Variants in AP2M1 observed in about 807,000 individuals in gnomAD.
The protein encoded by AP2M1 is adaptor related protein complex 2 subunit mu 1, also known as AP-2 complex subunit mu.
Under a neutral mutation model 54.5 loss-of-function variants are expected in AP2M1, and 5 were observed. The observed-to-expected ratio is 0.09, with a 90% CI of 0.05 to 0.19. The LOEUF is 0.19. AP2M1 is among the 10% of genes least tolerant of loss of function. The pLI, the probability that AP2M1 is intolerant of heterozygous loss-of-function variation, is 1.00. For synonymous variants in AP2M1, 186 were observed against 208.2 expected (o/e 0.89, Z 0.92); for missense variants, 178 against 580.2 (o/e 0.31, Z 7.12).
Position 184,183,445 on chromosome 3 carries a change from A to C in AP2M1, c.1174-37A>C. On this transcript the variant is annotated intron_variant, in intron 11 of 11. Transcript: ENST00000292807. This position sits in a 1 kb window ranked among gnomAD's most constrained non-coding sequence, Gnocchi z 5.7. ...CTTCCCAGAGGAGAGCGGCTGTAAG[A>C]GGAAGGCCACATTTCTAACTAGCTC... 5 of 1,613,020 alleles carry C rather than the reference A, an allele frequency of 3.1e-6. No individual in the cohort carries two copies. Among genetic ancestry groups the C allele is most frequent in the Non-Finnish European group, 4.2e-6 (5 of 1,179,532 alleles).
Position 184,174,869 on chromosome 3 carries a change from C to A in AP2M1, c.-134C>A, listed in dbSNP as rs1415216855. The A allele has an allele frequency of 2.5e-6, 1 of 398,040 alleles. No individual in the cohort carries two copies. The highest frequency in any genetic ancestry group is 4.4e-6 in the Non-Finnish European group (1 of 225,652). 24.7% of individuals were successfully genotyped at this position (398,040 alleles called of 1,614,324 possible). A position where few individuals can be genotyped will look rare whatever the true frequency, so the allele number is the denominator to read the frequency against. ...GGGGCGGCGGCACTGCGGTGAAAGC[C>A]GAGGCAGCGGGCAGACGAGCAGGGG... On this transcript the variant is annotated 5_prime_UTR_variant, in exon 1 of 12. Transcript: ENST00000292807.
intron 1 of AP2M1, among the ~76,000 whole-genome samples, chr3:184,175,758 G>A (rs1029601344): frequency 5.3e-5 from 8 of 151,914 alleles, no homozygotes; most frequent in Non-Finnish European, 7.4e-5. Context: ...GGTGCCCTTC[G>A]CTACCTACCA....
chr3:184,179,278 G>A, intron 3 of AP2M1, 156 bp downstream of exon 3: 1 of 923,168 alleles, frequency 1.1e-6, no homozygotes, highest in Non-Finnish European at 1.6e-6. Context: ...ATGCCCCTCA[G>A]AAGGCCAGTT....
chr3:184,177,883 T>C (rs1385257938), intron 2 of AP2M1: 1 of 594,780 alleles, frequency 1.7e-6, no homozygotes, highest in East Asian at 2.8e-5. Flanking sequence ...GGCAGTGCTC[T>C]TCATTTGGCT....
chr3:184,180,268 G>T lies in AP2M1; in HGVS notation c.423+17G>T. 3 of 1,613,614 alleles carry T rather than the reference G, an allele frequency of 1.9e-6. No homozygotes were observed. Among genetic ancestry groups the T allele is most frequent in the Middle Eastern group, 1.7e-4 (1 of 6,024 alleles). On this transcript the variant is annotated intron_variant, in intron 4 of 11. Transcript: ENST00000292807. The surrounding 1 kb of genome is among the most constrained non-coding windows in gnomAD (Gnocchi z 4.9). ...AAGAGTCAGGTACTTGAATTGTGCA[G>T]ACTATAGTCAGGGTGGAGTCCAATC... is the stretch of plus-strand genomic sequence containing the variant.
chr3:184,182,796 C>T lies in AP2M1; in HGVS notation c.1101C>T (p.Ser367=), dbSNP rs780004232. Reference sequence around the variant, plus strand: ...CAGGCATGAAGGAATCGCAGATCAGCGCAGAGATTGAGCTTCTGCCTACCA... The same window carrying T: ...CAGGCATGAAGGAATCGCAGATCAGTGCAGAGATTGAGCTTCTGCCTACCA... ...RMAGMKESQI[S]AEIELLPTND... The change falls in exon 11 of 12, where the codon AGC becomes AGT. Residue 367 remains serine (S), a synonymous_variant. Coordinates refer to ENST00000292807, the MANE Select transcript of AP2M1 (RefSeq NM_004068.4). The surrounding 1 kb of genome is among the most constrained non-coding windows in gnomAD (Gnocchi z 5.5). 10 of 1,613,974 alleles carry T rather than the reference C, an allele frequency of 6.2e-6. No individual in the cohort carries two copies. The highest frequency in any genetic ancestry group is 1.3e-5 in the African/African-American group (1 of 74,896).
Position 184,183,383 on chromosome 3 carries a change from AC to A in AP2M1, c.1174-97del. ...CTTTCAGGACCCCAGCCATACAAAC[AC>A]CTGTAGTAGCGATGAAGTAGGGCAG... On this transcript the variant is annotated intron_variant, in intron 11 of 11. Transcript: ENST00000292807. This position sits in a 1 kb window ranked among gnomAD's most constrained non-coding sequence, Gnocchi z 5.7. 1 of 1,543,594 alleles carries A rather than the reference AC, an allele frequency of 6.5e-7. No individual in the cohort carries two copies. The highest frequency in any genetic ancestry group is 8.8e-7 in the Non-Finnish European group (1 of 1,140,948).
rs1715277978 is a variant in AP2M1, at chr3:184,181,664, A to G, written c.708-32A>G. 6.2e-7 allele frequency: 1 copy of G among 1,612,130 alleles called. No homozygotes were observed. Among genetic ancestry groups the G allele is most frequent in the South Asian group, 1.1e-5 (1 of 91,026 alleles). Reference sequence around the variant, plus strand: ...AGCATGACAGCTGTCATTCTCCTGTACCAATGAGACCTCTTCTGCCCCTGC... The same window carrying G: ...AGCATGACAGCTGTCATTCTCCTGTGCCAATGAGACCTCTTCTGCCCCTGC... On this transcript the variant is annotated intron_variant, in intron 7 of 11. Transcript: ENST00000292807. The surrounding 1 kb of genome is among the most constrained non-coding windows in gnomAD (Gnocchi z 5.7).
In AP2M1 at chr3:184,182,264, A is replaced by G. The variant is rs1715298701; in HGVS notation, c.1061+16A>G. ...TCGTGTGGAAGTGAGTCTTTCCTTC[A>G]TTAGGCCACAGCAGGGCTCAAGATC... On this transcript the variant is annotated intron_variant, in intron 10 of 11. Coordinates refer to ENST00000292807, the MANE Select transcript of AP2M1 (RefSeq NM_004068.4). The surrounding 1 kb of genome is among the most constrained non-coding windows in gnomAD (Gnocchi z 5.5). 2.5e-6 allele frequency: 4 copies of G among 1,612,418 alleles called. No homozygotes were observed. Among genetic ancestry groups the G allele is most frequent in the South Asian group, 2.2e-5 (2 of 90,682 alleles).
Position 184,180,539 on chromosome 3 carries a change from C to T in AP2M1, c.424-106C>T, listed in dbSNP as rs560310736. The T allele has an allele frequency of 7.3e-4, 1,141 of 1,554,450 alleles. 4 individuals are homozygous for T. The highest frequency in any genetic ancestry group is 5.3e-4 in the Non-Finnish European group (604 of 1,135,740). On this transcript the variant is annotated intron_variant, in intron 4 of 11. Transcript: ENST00000292807. This position sits in a 1 kb window ranked among gnomAD's most constrained non-coding sequence, Gnocchi z 4.9. Reference sequence around the variant, plus strand: ...GAGGCCTGGTATTCCTCAGGAGGAGCGAGCTTGGGCCCTCTCCTCTAGGAT... The same window carrying T: ...GAGGCCTGGTATTCCTCAGGAGGAGTGAGCTTGGGCCCTCTCCTCTAGGAT...
Position 184,181,541 on chromosome 3 carries a change from T to C in AP2M1, c.708-155T>C. 9.0e-7 allele frequency: 1 copy of C among 1,106,088 alleles called. No individual in the cohort carries two copies. The highest frequency in any genetic ancestry group is 1.3e-6 in the Non-Finnish European group (1 of 779,744). The allele number at this position is 1,106,088 out of a possible 1,614,324, so 68.5% of individuals were successfully genotyped here. A position where few individuals can be genotyped will look rare whatever the true frequency, so the allele number is the denominator to read the frequency against. ...AAGAGATGAGCTTGCAAGGCTTCCCTCTCATCCCAAGCTCTGGGGCAGACC... is the reference window on the plus strand; with the variant it reads ...AAGAGATGAGCTTGCAAGGCTTCCCCCTCATCCCAAGCTCTGGGGCAGACC... On this transcript the variant is annotated intron_variant, in intron 7 of 11. Coordinates refer to ENST00000292807, the MANE Select transcript of AP2M1 (RefSeq NM_004068.4). The surrounding 1 kb of genome is among the most constrained non-coding windows in gnomAD (Gnocchi z 5.7).
chr3:184,181,348 G>GT lies in AP2M1; in HGVS notation c.707+123dup. 1 of 1,442,396 alleles carries GT rather than the reference G, an allele frequency of 6.9e-7. No homozygotes were observed. The highest frequency in any genetic ancestry group is 9.5e-7 in the Non-Finnish European group (1 of 1,049,626). The allele number at this position is 1,442,396 out of a possible 1,614,324, so 89.3% of individuals were successfully genotyped here. Reference sequence around the variant, plus strand: ...GTAATTGCAAACTCTGTTCCTGACGGTAAGCCTGGCTGTTCGCTCTTGACA... The same window carrying GT: ...GTAATTGCAAACTCTGTTCCTGACGGTTAAGCCTGGCTGTTCGCTCTTGACA... On this transcript the variant is annotated intron_variant, in intron 7 of 11. Transcript: ENST00000292807. The surrounding 1 kb of genome is among the most constrained non-coding windows in gnomAD (Gnocchi z 5.7).
rs1715223389 is a variant in AP2M1, at chr3:184,180,125, G to A, written c.341-44G>A. ...TGTAGGCCCAAGTAGGGGCTGGAAT[G>A]AAGAAGCTCTGTCCAGGGGCTGATG... is the stretch of plus-strand genomic sequence containing the variant. On this transcript the variant is annotated intron_variant, in intron 3 of 11. Coordinates refer to ENST00000292807, the MANE Select transcript of AP2M1 (RefSeq NM_004068.4). This position sits in a 1 kb window ranked among gnomAD's most constrained non-coding sequence, Gnocchi z 4.9. The A allele has an allele frequency of 6.3e-7, 1 of 1,599,588 alleles. No individual in the cohort carries two copies. Among genetic ancestry groups the A allele is most frequent in the Non-Finnish European group, 8.6e-7 (1 of 1,167,632 alleles).
At position 184,179,012 on chromosome 3, in the gene AP2M1, T is replaced by C; in HGVS notation, c.230T>C (p.Met77Thr). The change falls in exon 3 of 12, where the codon ATG becomes ACG. Residue 77 changes from methionine to threonine, a missense_variant. Transcript: ENST00000292807. The stretch of plus-strand genomic sequence containing the variant: ...ACCAAGCAGAATGTCAACGCTGCCA[T>C]GGTCTTCGAATTCCTCTATAAGATG... ...AVTKQNVNAAMVFEFLYKMCD... is the reference protein window; with the variant it reads ...AVTKQNVNAATVFEFLYKMCD... 1 of 1,614,214 alleles carries C rather than the reference T, an allele frequency of 6.2e-7. No individual in the cohort carries two copies. Among genetic ancestry groups the C allele is most frequent in the African/African-American group, 1.3e-5 (1 of 75,062 alleles).
rs984075439 is a variant in AP2M1, at chr3:184,183,193, T to C, written c.1174-289T>C. 4 of 552,894 alleles carry C rather than the reference T, an allele frequency of 7.2e-6. No individual in the cohort carries two copies. The highest frequency in any genetic ancestry group is 9.7e-6 in the Non-Finnish European group (3 of 309,614). The allele number at this position is 552,894 out of a possible 1,614,324, so 34.2% of individuals were successfully genotyped here. On this transcript the variant is annotated intron_variant, in intron 11 of 11. Transcript: ENST00000292807. The surrounding 1 kb of genome is among the most constrained non-coding windows in gnomAD (Gnocchi z 5.7). ...TTGCTTTGCGCATGTTAGACATAAT[T>C]TTCTCCACCTTATTTTTAAGTTCAT...
At chr3:184,179,411 CTTT>C (rs771786531) in intron 3 of AP2M1, 1 of 410,698 alleles carries the variant, frequency 2.4e-6, no homozygotes, top group Non-Finnish European at 4.5e-6. Flanking sequence ...ATCCTCTTTC[CTTT>C]GTGGCTTGGA....
In AP2M1 at chr3:184,176,947, C is replaced by T; in HGVS notation, c.-43-4C>T. The T allele has an allele frequency of 6.2e-7, 1 of 1,601,802 alleles. No homozygotes were observed. The highest frequency in any genetic ancestry group is 8.5e-7 in the Non-Finnish European group (1 of 1,171,708). On this transcript the variant is annotated splice_region_variant and splice_polypyrimidine_tract_variant and intron_variant, in intron 1 of 11. Transcript: ENST00000292807. ...TTCTTTTACCCTGCCCCCGCCTGTCCTAGGTCTGTTCTCAGAGCGATGGGC... is the reference window on the plus strand; with the variant it reads ...TTCTTTTACCCTGCCCCCGCCTGTCTTAGGTCTGTTCTCAGAGCGATGGGC...
intron 2 of AP2M1, 75 bp downstream of exon 2, chr3:184,177,142 T>G (rs1715100885): frequency 4.8e-6 from 7 of 1,467,354 alleles, no homozygotes; most frequent in Non-Finnish European, 6.5e-6. Context: ...TTAGGTCTTT[T>G]CCCACCATTG....
chr3:184,179,286 G>A (rs891409981), intron 3 of AP2M1, 164 bp downstream of exon 3: 1 of 845,236 alleles, frequency 1.2e-6, no homozygotes, highest in South Asian at 1.8e-5. Context: ...CAGAAGGCCA[G>A]TTCACATCCA....
Sources: gnomAD v4.1 joint callset for allele counts (sites outside exome capture counted in the v4.1 genomes callset) on GRCh38, gnomAD v4.1.1 for gene constraint, Gnocchi (gnomAD v3.1) non-coding constraint, MANE v1.5 for transcripts, NCBI Gene and HGNC (gene_info 2026-07-23, HGNC 2026-07-21) for gene names.